The following DNM2 variants were observed in gnomAD, a reference collection of about 807,000 sequenced individuals.
DNM2 encodes dynamin 2, also known as dynamin-2.
In DNM2, 15 loss-of-function variants were observed where a neutral mutation model predicts 99.0. That is an observed-to-expected ratio of 0.15 (90% CI 0.10 to 0.23). The LOEUF (loss-of-function observed/expected upper bound fraction) is 0.23. Among genes scored for constraint, DNM2 ranks in the 10% least tolerant of loss-of-function variants. The pLI, the probability that DNM2 is intolerant of heterozygous loss-of-function variation, is 1.00. For missense variants in DNM2, 742 were observed against 1,189.4 expected, an observed-to-expected ratio of 0.62 and a Z score of 5.53; for synonymous variants, 525 against 481.2, an observed-to-expected ratio of 1.09 and a Z score of -1.19.
At chr19:10,774,782 T>A (rs1439769729) in intron 3 of DNM2, among the ~76,000 whole-genome samples, 5 of 148,490 alleles carry the variant, frequency 3.4e-5, no homozygotes, top group East Asian at 1.9e-4. Context: ...TATATTTATT[T>A]TTTTTTTTTT....
intron 1 of DNM2, among the ~76,000 whole-genome samples, chr19:10,739,220 A>G (rs1008158761): frequency 2.6e-5 from 4 of 152,240 alleles, no homozygotes; most frequent in Non-Finnish European, 4.4e-5. Context: ...TTGTTCTTCT[A>G]TGGGGACATG....
intron 5 of DNM2, among the ~76,000 whole-genome samples, chr19:10,780,553 G>A (rs760127820): frequency 3.9e-5 from 6 of 152,074 alleles, no homozygotes; most frequent in Non-Finnish European, 5.9e-5. Flanking sequence ...GCCTGCTCCC[G>A]TTTTGTGACC....
At chr19:10,737,720 G>A (rs1347537475) in intron 1 of DNM2, among the ~76,000 whole-genome samples, 1 of 152,136 alleles carries the variant, frequency 6.6e-6, no homozygotes, top group African/African-American at 2.4e-5. Context: ...GCTGACTTCA[G>A]GTGATCTGCC....
chr19:10,828,935 G>T lies in DNM2; in HGVS notation c.2059-101G>T, dbSNP rs537525478. On this transcript the variant is annotated intron_variant, in intron 18 of 20. Coordinates refer to ENST00000389253, the MANE Select transcript of DNM2 (RefSeq NM_001005361.3). The stretch of plus-strand genomic sequence containing the variant: ...GCAAGACTCTTTTTCAAAAAAGTCT[G>T]GGGGTGGCCCCGCCCTGTGAGAGAT... 69 of 1,260,926 alleles carry T rather than the reference G, an allele frequency of 5.5e-5. No individual in the cohort carries two copies. In the South Asian group the frequency reaches 8.5e-4, roughly 16 times the overall value. 78.1% of individuals were successfully genotyped at this position (1,260,926 alleles called of 1,614,324 possible). A position where few individuals can be genotyped will look rare whatever the true frequency, so the allele number is the denominator to read the frequency against.
At chr19:10,827,334 C>T (rs2073173238) in intron 18 of DNM2, among the ~76,000 whole-genome samples, 2 of 152,122 alleles carry the variant, frequency 1.3e-5, no homozygotes, top group South Asian at 4.1e-4. Flanking sequence ...CTTATACATG[C>T]TTATTGTTTT....
intron 13 of DNM2, among the ~76,000 whole-genome samples, chr19:10,807,095 CAG>C (rs2072363251): frequency 6.6e-6 from 1 of 152,106 alleles, no homozygotes; most frequent in East Asian, 1.9e-4. Context: ...TATTTTGACA[CAG>C]AGTCTCGCAT....
rs1438502498 is a variant in DNM2 at position 10,772,325 on chromosome 19, CA to C, written c.236-153del. 6.6e-6 allele frequency among the ~76,000 whole-genome samples: 1 copy of C among 152,032 alleles called. No individual in the cohort carries two copies. Among genetic ancestry groups the C allele is most frequent in the Non-Finnish European group, 1.5e-5 (1 of 68,010 alleles). The stretch of plus-strand genomic sequence containing the variant: ...GAATCTCCTGACCTTGTGATCTGCC[CA>C]CCTCTGCCTCCCAAAGTGCTGGGAT... On this transcript the variant is annotated intron_variant, in intron 2 of 20. Transcript: ENST00000389253. This position sits in a 1 kb window ranked among gnomAD's most constrained non-coding sequence, Gnocchi z 4.9.
At chr19:10,788,695 C>G (rs2071649765) in intron 7 of DNM2, among the ~76,000 whole-genome samples, 1 of 152,328 alleles carries the variant, frequency 6.6e-6, no homozygotes, top group African/African-American at 2.4e-5. Flanking sequence ...GGTGTGCCCC[C>G]ACAATCCCAA....
At chr19:10,744,647 C>A (rs947487101) in intron 1 of DNM2, among the ~76,000 whole-genome samples, 13 of 152,118 alleles carry the variant, frequency 8.5e-5, no homozygotes, top group Non-Finnish European at 4.4e-5. Context: ...ACATGGCTGA[C>A]CACCCTGTAA....
At chr19:10,740,101 G>C (rs1433872147) in intron 1 of DNM2, among the ~76,000 whole-genome samples, 1 of 151,894 alleles carries the variant, frequency 6.6e-6, no homozygotes, top group East Asian at 1.9e-4. Flanking sequence ...TTTCTGAAAG[G>C]TTGGTAGTGA....
intron 1 of DNM2, among the ~76,000 whole-genome samples, chr19:10,720,157 CCTCT>C (rs1339184120): frequency 6.6e-6 from 1 of 151,486 alleles, no homozygotes; most frequent in Non-Finnish European, 1.5e-5. Context: ...GTTGTCTTGG[CCTCT>C]CTAAGTCTTG....
intron 7 of DNM2, among the ~76,000 whole-genome samples, chr19:10,789,666 CTA>C (rs1310247587): frequency 6.6e-6 from 1 of 152,000 alleles, no homozygotes; most frequent in Non-Finnish European, 1.5e-5. Flanking sequence ...AACCCTGTCT[CTA>C]TGAAAAAATA....
chr19:10,825,286 G>A, intron 18 of DNM2, 65 bp downstream of exon 18: 1 of 1,601,552 alleles, frequency 6.2e-7, no homozygotes. Flanking sequence ...TGTAATCCCA[G>A]CACTTTGGGA....
intron 2 of DNM2, among the ~76,000 whole-genome samples, chr19:10,766,626 C>T (rs1043720779): frequency 2.6e-5 from 4 of 151,928 alleles, no homozygotes; most frequent in Non-Finnish European, 5.9e-5. Context: ...CTAGGGGGAA[C>T]TGTGATCACA....
intron 13 of DNM2, among the ~76,000 whole-genome samples, chr19:10,807,239 A>AT (rs942002285): frequency 4.0e-5 from 6 of 150,940 alleles, no homozygotes; most frequent in Non-Finnish European, 7.4e-5. Flanking sequence ...CACCAGGCTA[A>AT]TTTTTTTTTA....
At position 10,811,573 on chromosome 19, in the gene DNM2, C is replaced by T. The variant is rs2072545714; in HGVS notation, c.1558-691C>T. The T allele has an allele frequency of 5.0e-6, 2 of 398,678 alleles. No homozygotes were observed. Among genetic ancestry groups the T allele is most frequent in the Non-Finnish European group, 5.1e-6 (1 of 197,402 alleles). The allele number at this position is 398,678 out of a possible 1,614,324, so 24.7% of individuals were successfully genotyped here. A position where few individuals can be genotyped will look rare whatever the true frequency, so the allele number is the denominator to read the frequency against. On this transcript the variant is annotated intron_variant, in intron 14 of 20. Coordinates refer to ENST00000389253, the MANE Select transcript of DNM2 (RefSeq NM_001005361.3). This position sits in a 1 kb window ranked among gnomAD's most constrained non-coding sequence, Gnocchi z 5.4. ...TGCTTCCTGCAGCTCCCAGGGCCCT[C>T]GTCCTGAGTGGGGTGGGGGGCTCTG...
intron 8 of DNM2, among the ~76,000 whole-genome samples, chr19:10,794,672 G>A (rs2071872372): frequency 1.3e-5 from 2 of 151,952 alleles, no homozygotes; most frequent in South Asian, 4.2e-4. Flanking sequence ...AGCCCAGGAG[G>A]CAGAGGATGC....
intron 11 of DNM2, among the ~76,000 whole-genome samples, chr19:10,800,935 G>A (rs1050995617): frequency 6.6e-6 from 1 of 152,262 alleles, no homozygotes; most frequent in Non-Finnish European, 1.5e-5. Flanking sequence ...GTGCACGTGT[G>A]TGTTTTATTT....
intron 6 of DNM2, among the ~76,000 whole-genome samples, chr19:10,784,819 A>AGTT (rs2071499896): frequency 3.0e-5 from 3 of 99,454 alleles, no homozygotes; most frequent in Non-Finnish European, 1.9e-5. Flanking sequence ...TTTTTTGATG[A>AGTT]TTTTTTTTTT....
Sources: gnomAD v4.1 joint callset for allele counts (sites outside exome capture counted in the v4.1 genomes callset) on GRCh38, gnomAD v4.1.1 for gene constraint, Gnocchi (gnomAD v3.1) non-coding constraint, MANE v1.5 for transcripts, NCBI Gene and HGNC (gene_info 2026-07-23, HGNC 2026-07-21) for gene names.